ARL6IP4: variants seen among roughly 807,000 people sequenced by gnomAD.
The protein encoded by ARL6IP4 is ADP-ribosylation factor-like protein 6-interacting protein 4.
Under a neutral mutation model 28.1 loss-of-function variants are expected in ARL6IP4, and 24 were observed. The observed-to-expected ratio is 0.86, with a 90% confidence interval of 0.62 to 1.20. The LOEUF (loss-of-function observed/expected upper bound fraction) is 1.20, where lower values mean the gene tolerates loss of function less well. Among genes scored for constraint, ARL6IP4 ranks in the 50% most tolerant of loss-of-function variants. ARL6IP4 has a pLI of 0.00. For synonymous variants in ARL6IP4, 162 were observed against 122.3 expected, an observed-to-expected ratio of 1.32 and a Z score of -2.14; for missense variants, 343 against 302.4, an observed-to-expected ratio of 1.13 and a Z score of -1.00.
Position 122,981,226 on chromosome 12 carries a change from G to A in ARL6IP4, c.87G>A (p.Arg29=), listed in dbSNP as rs1248532326. The change falls in exon 2 of 6, where the codon AGG becomes AGA. Residue 29 remains arginine (R), a synonymous_variant. Transcript: ENST00000315580. ...CGGAAAAGAGAAAGAAGAAGAGCAG[G>A]AAAGACACCTCGAGGAACTGCTCGG... ...RGSEKRKKKS[R]KDTSRNCSAS... 10 of 1,550,224 alleles carry A rather than the reference G, an allele frequency of 6.5e-6. No individual in the cohort carries two copies. The highest frequency in any genetic ancestry group is 7.8e-6 in the Non-Finnish European group (9 of 1,146,744).
rs1179493491 is a variant in ARL6IP4 at position 122,981,230 on chromosome 12, G to A, written c.91G>A (p.Asp31Asn). 3 of 1,550,146 alleles carry A rather than the reference G, an allele frequency of 1.9e-6. No individual in the cohort carries two copies. The highest frequency in any genetic ancestry group is 2.0e-5 in the Admixed American group (1 of 50,974). ...SEKRKKKSRKDTSRNCSASTS... is the reference protein window; with the variant it reads ...SEKRKKKSRKNTSRNCSASTS... ...AAAGAGAAAGAAGAAGAGCAGGAAA[G>A]ACACCTCGAGGAACTGCTCGGCCTC... is the stretch of plus-strand genomic sequence containing the variant. The change falls in exon 2 of 6, where the codon GAC becomes AAC. Residue 31 changes from aspartate to asparagine, a missense_variant. Coordinates refer to ENST00000315580, the MANE Select transcript of ARL6IP4 (RefSeq NM_018694.4).
At chr12:122,980,814 T>G (rs987323558) in intron 1 of ARL6IP4, 69 bp downstream of exon 1, 33 of 1,322,338 alleles carry the variant, frequency 2.5e-5, no homozygotes, top group Non-Finnish European at 3.1e-5. Flanking sequence ...GGCTGGAGGG[T>G]AGGAGAGCGC....
In ARL6IP4 at chr12:122,982,678, G is replaced by A; in HGVS notation, c.*2G>A. 1.2e-6 allele frequency: 2 copies of A among 1,613,436 alleles called. No homozygotes were observed. Among genetic ancestry groups the A allele is most frequent in the Non-Finnish European group, 1.7e-6 (2 of 1,179,966 alleles). On this transcript the variant is annotated 3_prime_UTR_variant, in exon 6 of 6. Transcript: ENST00000315580. ...ATGCGAGCTGGGTTGCTTCCCTGAG[G>A]GCCCCCGCTGGCCAAGGCCTGTGGA...
intron 4 of ARL6IP4, 127 bp downstream of exon 4, chr12:122,982,201 T>TA: frequency 9.2e-7 from 1 of 1,089,902 alleles, no homozygotes. Context: ...TGGGCAAAAA[T>TA]ACGGTCACTT....
intron 4 of ARL6IP4, 57 bp from the exon 5 acceptor site, chr12:122,982,412 C>T (rs2037725185): frequency 2.6e-6 from 4 of 1,514,530 alleles, no homozygotes; most frequent in Admixed American, 1.9e-5. Context: ...GGTTCTGCTC[C>T]TCTGGCATTA....
Position 122,981,257 on chromosome 12 carries a change from A to G in ARL6IP4, c.118A>G (p.Thr40Ala), listed in dbSNP as rs2135974742. 6.5e-7 allele frequency: 1 copy of G among 1,549,946 alleles called. No homozygotes were observed. Among genetic ancestry groups the G allele is most frequent in the East Asian group, 2.5e-5 (1 of 40,744 alleles). Residue 40 changes from threonine to alanine, a missense_variant, in exon 2 of 6, where the codon ACA becomes GCA. Physicochemically the swap from Thr to Ala is moderately conservative, Grantham distance 58. Transcript: ENST00000315580. ...CACCTCGAGGAACTGCTCGGCCTCCACATCCCAAGGTCGCAAGGCCAGCAC... is the reference window on the plus strand; with the variant it reads ...CACCTCGAGGAACTGCTCGGCCTCCGCATCCCAAGGTCGCAAGGCCAGCAC... The part of the protein sequence containing the change: ...KDTSRNCSAS[T>A]SQGRKASTAP...
At chr12:122,980,433 G>A (rs1186944310), upstream of ARL6IP4, 2 of 1,361,988 alleles carry the variant, frequency 1.5e-6, no homozygotes, top group East Asian at 2.8e-5. Context: ...CGCGCGCGAG[G>A]GTCGCCTTCT....
rs952323363 is a variant in ARL6IP4, at chr12:122,981,688, C to T, written c.278C>T (p.Ser93Phe). Residue 93 changes from serine (S) to phenylalanine (F), a missense_variant, in exon 3 of 6, where the codon TCC (serine) becomes TTC (phenylalanine). Ser to Phe is a radical substitution (Grantham distance 155). Transcript: ENST00000315580. ...AGCTCCTCTTCTTCCTCCTCGTCCT[C>T]CTCCTCTTCCTCCAGTGATGGCCGG... ...SSSSSSSSSS[S>F]SSSSSDGRKK... The T allele has an allele frequency of 6.4e-7, 1 of 1,553,422 alleles. No individual in the cohort carries two copies. Among genetic ancestry groups the T allele is most frequent in the Non-Finnish European group, 8.7e-7 (1 of 1,147,888 alleles).
chr12:122,981,620 G>C lies in ARL6IP4; in HGVS notation c.210G>C (p.Arg70Ser). 1 of 1,562,574 alleles carries C rather than the reference G, an allele frequency of 6.4e-7. No individual in the cohort carries two copies. Among genetic ancestry groups the C allele is most frequent in the East Asian group, 2.3e-5 (1 of 42,624 alleles). The stretch of plus-strand genomic sequence containing the variant: ...AGAGAAGCAAGCAGAAGGCCCGGAG[G>C]AGAACAAGATCCAGCTCCTCCTCCT... ...ITERSKQKAR[R>S]RTRSSSSSSS... The change falls in exon 3 of 6, where the codon AGG becomes AGC. Residue 70 changes from arginine (R) to serine (S), a missense_variant. By Grantham distance (110) the Arg-to-Ser change is moderately radical. Coordinates refer to ENST00000315580, the MANE Select transcript of ARL6IP4 (RefSeq NM_018694.4).
In ARL6IP4 at chr12:122,982,592, C is replaced by T. The variant is rs560017248; in HGVS notation, c.658-28C>T. 43 of 1,614,130 alleles carry T rather than the reference C, an allele frequency of 2.7e-5. No individual in the cohort carries two copies. In the South Asian group the frequency reaches 3.3e-4, roughly 12 times the overall value. On this transcript the variant is annotated intron_variant, in intron 5 of 5. Coordinates refer to ENST00000315580, the MANE Select transcript of ARL6IP4 (RefSeq NM_018694.4). ...GCCCCCAGCTCTGTTTGTGATGTAC[C>T]CCTCCTCCTGTGTGCTTTCTTCCCC...
At chr12:122,980,954 T>G (rs1327375314) in intron 1 of ARL6IP4, 175 bp from the exon 2 acceptor site, 4 of 1,379,192 alleles carry the variant, frequency 2.9e-6, no homozygotes, top group Admixed American at 7.0e-5. Flanking sequence ...GGGACTGGAG[T>G]CGGCGGAGAA....
Position 122,982,679 on chromosome 12 carries a change from G to GC in ARL6IP4, c.*8dup, listed in dbSNP as rs745752873. On this transcript the variant is annotated 3_prime_UTR_variant, in exon 6 of 6. Transcript: ENST00000315580. ...TGCGAGCTGGGTTGCTTCCCTGAGG[G>GC]CCCCCGCTGGCCAAGGCCTGTGGAC... 1.5e-5 allele frequency: 24 copies of GC among 1,613,322 alleles called. No individual in the cohort carries two copies. The highest frequency in any genetic ancestry group is 2.0e-5 in the Non-Finnish European group (24 of 1,179,940).
chr12:122,981,506 G>T (rs2037652044), intron 2 of ARL6IP4, 65 bp from the exon 3 acceptor site: 2 of 1,450,610 alleles, frequency 1.4e-6, no homozygotes, highest in African/African-American at 2.8e-5. Flanking sequence ...CCTGTAGCCG[G>T]TCTGTGCCTG....
chr12:122,980,978 A>C, intron 1 of ARL6IP4, 151 bp from the exon 2 acceptor site: 1 of 1,380,906 alleles, frequency 7.2e-7, no homozygotes, highest in Non-Finnish European at 9.3e-7. Flanking sequence ...CGGGGTCCCC[A>C]GCGCTGGGGG....
intron 4 of ARL6IP4, 105 bp from the exon 5 acceptor site, chr12:122,982,364 G>A (rs537998347): frequency 1.4e-4 from 155 of 1,145,592 alleles, no homozygotes; most frequent in East Asian, 2.6e-4. Context: ...TCAAGGCTGC[G>A]GGGTGGGAGC....
At position 122,981,245 on chromosome 12, in the gene ARL6IP4, T is replaced by C. The variant is rs1161473707; in HGVS notation, c.106T>C (p.Cys36Arg). 1.9e-6 allele frequency: 3 copies of C among 1,549,940 alleles called. No individual in the cohort carries two copies. The highest frequency in any genetic ancestry group is 2.6e-6 in the Non-Finnish European group (3 of 1,146,618). Reference protein sequence around the residue: ...KKSRKDTSRNCSASTSQGRKA... With the variant: ...KKSRKDTSRNRSASTSQGRKA... The stretch of plus-strand genomic sequence containing the variant: ...GAGCAGGAAAGACACCTCGAGGAAC[T>C]GCTCGGCCTCCACATCCCAAGGTCG... Residue 36 changes from cysteine (C) to arginine (R), a missense_variant, in exon 2 of 6, where the codon TGC becomes CGC. Coordinates refer to ENST00000315580, the MANE Select transcript of ARL6IP4 (RefSeq NM_018694.4).
chr12:122,981,635 C>T lies in ARL6IP4; in HGVS notation c.225C>T (p.Ser75=), dbSNP rs2037664673. 4 of 1,559,734 alleles carry T rather than the reference C, an allele frequency of 2.6e-6. No individual in the cohort carries two copies. Among genetic ancestry groups the T allele is most frequent in the Non-Finnish European group, 3.5e-6 (4 of 1,152,946 alleles). The change falls in exon 3 of 6, where the codon AGC becomes AGT. Residue 75 remains serine (S), a synonymous_variant. Transcript: ENST00000315580. Reference sequence around the variant, plus strand: ...AGGCCCGGAGGAGAACAAGATCCAGCTCCTCCTCCTCTTCTTCCAGTTCTT... The same window carrying T: ...AGGCCCGGAGGAGAACAAGATCCAGTTCCTCCTCCTCTTCTTCCAGTTCTT... The part of the protein sequence containing the change: ...KQKARRRTRS[S]SSSSSSSSSS...
Position 122,981,145 on chromosome 12 carries a change from T to A in ARL6IP4, c.6T>A (p.Ala2=), listed in dbSNP as rs1435557603. ...CGTCGCCAGCCCGCGGCGCCATGGC[T>A]CACGTCGGCTCCCGCAAGCGCTCGA... M[A]HVGSRKRSRS... is the part of the protein sequence containing the mutation. Residue 2 remains alanine, a synonymous_variant, in exon 2 of 6, where the codon GCT becomes GCA. Transcript: ENST00000315580. The A allele has an allele frequency of 6.5e-7, 1 of 1,548,562 alleles. No homozygotes were observed. Among genetic ancestry groups the A allele is most frequent in the African/African-American group, 1.4e-5 (1 of 72,830 alleles).
upstream of ARL6IP4, chr12:122,980,323 C>T (rs2037584141): frequency 3.8e-6 from 5 of 1,299,096 alleles, no homozygotes; most frequent in South Asian, 3.0e-5. Flanking sequence ...GAGTTTGCGA[C>T]CTCTGAGTCA....
Sources: allele counts gnomAD v4.1 joint callset, GRCh38; gene constraint gnomAD v4.1.1; transcripts MANE v1.5; gene names NCBI Gene and HGNC (gene_info 2026-07-23, HGNC 2026-07-21).